NOX4: variants seen among roughly 807,000 people sequenced by gnomAD.
The protein encoded by NOX4 is NADPH oxidase 4.
A neutral mutation model predicts 87.6 loss-of-function variants in NOX4; 69 were observed. That is an observed-to-expected ratio of 0.79 (90% CI 0.65 to 0.96). The LOEUF is 0.96. Ranked by LOEUF, NOX4 falls within the 40% of genes least tolerant of loss-of-function variation. The pLI is 0.00. For missense variants in NOX4, 680 were observed against 681.5 expected (o/e 1.00, Z 0.02); for synonymous variants, 275 against 238.2 (o/e 1.15, Z -1.42).
chr11:89,586,204 G>A, the NOX4 span, among the ~76,000 whole-genome samples: 1 of 151,722 alleles, frequency 6.6e-6, no homozygotes, highest in African/African-American at 2.4e-5. Context: ...TCATTCCTTT[G>A]ACTTCTCAAT....
intron 3 of NOX4, among the ~76,000 whole-genome samples, chr11:89,450,451 C>T (rs1333743951): frequency 6.6e-6 from 1 of 152,096 alleles, no homozygotes; most frequent in Non-Finnish European, 1.5e-5. Flanking sequence ...CACACAGTCA[C>T]ACATATACAC....
the NOX4 span, among the ~76,000 whole-genome samples, chr11:89,565,924 T>A: frequency 2.0e-4 from 31 of 152,294 alleles, no homozygotes; most frequent in Non-Finnish European, 3.8e-4. Flanking sequence ...CTGGAATAGA[T>A]CTTGCATGGT....
rs1443484598 is a variant in NOX4 at position 89,444,215 on chromosome 11, G to A, written c.367C>T (p.His123Tyr). ...CIFSGVHVAA[H>Y]LVNALNFSVN... The stretch of plus-strand genomic sequence containing the variant: ...GAGAAGTTGAGGGCATTCACCAGAT[G>A]GGCAGCCACATGCACGCCTACAGAA... The change falls in exon 5 of 18, where the codon CAT becomes TAT. Residue 123 changes from histidine (H) to tyrosine (Y), a missense_variant. By Grantham distance (83) the His-to-Tyr change is moderately conservative. Transcript: ENST00000263317. 9 of 1,613,260 alleles carry A rather than the reference G, an allele frequency of 5.6e-6. No individual in the cohort carries two copies. The highest frequency in any genetic ancestry group is 7.6e-6 in the Non-Finnish European group (9 of 1,179,572).
chr11:89,551,507 A>G, the NOX4 span, among the ~76,000 whole-genome samples: 1 of 152,212 alleles, frequency 6.6e-6, no homozygotes, highest in South Asian at 2.1e-4. Context: ...CTCCTTGAAG[A>G]GGTCCTTCAC....
chr11:89,337,380 C>T, intron 16 of NOX4, 67 bp downstream of exon 16: 1 of 1,599,100 alleles, frequency 6.3e-7, no homozygotes, highest in South Asian at 1.1e-5. Flanking sequence ...TTTTCTTCCA[C>T]CACAGCTCCT....
In NOX4 at chr11:89,410,142, C is replaced by G. The variant is rs201511409; in HGVS notation, c.630-7600G>C. On this transcript the variant is annotated intron_variant, in intron 8 of 17. Coordinates refer to ENST00000263317, the MANE Select transcript of NOX4 (RefSeq NM_016931.5). ...TAGCCACAGAAATGCATAAAGACCC[C>G]GAACAAAAATGTGCCAGTCTACAAT... 5.3e-5 allele frequency among the ~76,000 whole-genome samples: 8 copies of G among 151,984 alleles called. No homozygotes were observed. The East Asian group carries it at 1.4e-3, about 26-fold the overall frequency.
chr11:89,336,681 T>C (rs1945729259), intron 16 of NOX4, among the ~76,000 whole-genome samples: 1 of 151,918 alleles, frequency 6.6e-6, no homozygotes, highest in African/African-American at 2.4e-5. Context: ...CATACCTTAA[T>C]TATCGCAATA....
At chr11:89,486,541 T>A (rs1188235454) in intron 2 of NOX4, among the ~76,000 whole-genome samples, 1 of 141,678 alleles carries the variant, frequency 7.1e-6, no homozygotes, top group African/African-American at 2.6e-5. Flanking sequence ...TATATATACA[T>A]ATATGTGTGT....
chr11:89,516,746 C>G, the NOX4 span, among the ~76,000 whole-genome samples: 1 of 151,914 alleles, frequency 6.6e-6, no homozygotes, highest in East Asian at 1.9e-4. Context: ...CTTTCAATGC[C>G]GGATTTTTCC....
At chr11:89,458,618 C>G (rs1945312884) in intron 2 of NOX4, among the ~76,000 whole-genome samples, 2 of 152,066 alleles carry the variant, frequency 1.3e-5, no homozygotes, top group Non-Finnish European at 2.9e-5. Flanking sequence ...AAAAAACAAA[C>G]AATCTCATTA....
At chr11:89,419,000 T>C (rs1942943151) in intron 8 of NOX4, among the ~76,000 whole-genome samples, 1 of 152,070 alleles carries the variant, frequency 6.6e-6, no homozygotes, top group Non-Finnish European at 1.5e-5. Flanking sequence ...CACTGATAAT[T>C]CTCTGAATTG....
chr11:89,426,744 C>T (rs1396594820), intron 7 of NOX4, among the ~76,000 whole-genome samples: 2 of 152,106 alleles, frequency 1.3e-5, no homozygotes, highest in African/African-American at 4.8e-5. Flanking sequence ...CTGGGTGGAG[C>T]CCACCACAGC....
chr11:89,537,288 T>A, the NOX4 span, among the ~76,000 whole-genome samples: 1 of 152,168 alleles, frequency 6.6e-6, no homozygotes, highest in Non-Finnish European at 1.5e-5. Flanking sequence ...GTATATTATT[T>A]GATTTTTTCA....
At chr11:89,356,496 T>G (rs1938068690) in intron 12 of NOX4, among the ~76,000 whole-genome samples, 1 of 152,124 alleles carries the variant, frequency 6.6e-6, no homozygotes, top group Admixed American at 6.6e-5. Flanking sequence ...CATAGCTATC[T>G]GCATGGCATA....
At chr11:89,537,390 C>T in the NOX4 span, among the ~76,000 whole-genome samples, 34 of 151,244 alleles carry the variant, frequency 2.2e-4, no homozygotes, top group East Asian at 6.0e-3. Context: ...TACATATCTA[C>T]AGTTTTATGT....
Position 89,477,774 on chromosome 11 carries a change from C to T in NOX4, c.153+12684G>A, listed in dbSNP as rs556185686. Among the ~76,000 whole-genome samples the T allele has an allele frequency of 1.1e-4, 17 of 151,852 alleles. No homozygotes were observed. In the East Asian group the frequency reaches 1.9e-3, roughly 17 times the overall value. Reference sequence around the variant, plus strand: ...GTATATCAATTTATGAGCTGCTTGACGAAGGTTTTATAAAGGCCAAGAATT... The same window carrying T: ...GTATATCAATTTATGAGCTGCTTGATGAAGGTTTTATAAAGGCCAAGAATT... On this transcript the variant is annotated intron_variant, in intron 2 of 17. Coordinates refer to ENST00000263317, the MANE Select transcript of NOX4 (RefSeq NM_016931.5).
intron 17 of NOX4, among the ~76,000 whole-genome samples, chr11:89,331,197 A>G (rs530738523): frequency 5.9e-5 from 9 of 152,104 alleles, no homozygotes; most frequent in Non-Finnish European, 7.4e-5. Context: ...TATCTGGAAA[A>G]TTTCCTCATT....
the NOX4 span, among the ~76,000 whole-genome samples, chr11:89,519,885 C>G: frequency 1.9e-4 from 29 of 151,992 alleles, no homozygotes; most frequent in Non-Finnish European, 4.1e-4. Flanking sequence ...CAGGCAGAAC[C>G]AAGGCAACAT....
At chr11:89,503,798 C>T in the NOX4 span, among the ~76,000 whole-genome samples, 2 of 148,686 alleles carry the variant, frequency 1.3e-5, no homozygotes, top group Non-Finnish European at 3.0e-5. Context: ...TTTCCCAATC[C>T]ATCCTATAAC....
Sources: gnomAD v4.1 joint callset for allele counts (sites outside exome capture counted in the v4.1 genomes callset) on GRCh38, gnomAD v4.1.1 for gene constraint, MANE v1.5 for transcripts, NCBI Gene and HGNC (gene_info 2026-07-23, HGNC 2026-07-21) for gene names.